Variants in SEPTIN10 observed in about 807,000 individuals in gnomAD.
The protein encoded by SEPTIN10 is septin-10.
In SEPTIN10, 66 loss-of-function variants were observed where a neutral mutation model predicts 54.8. The ratio of observed to expected loss-of-function variants is 1.21; its 90% confidence interval spans 0.99 to 1.48. The LOEUF is 1.48. Ranked by LOEUF, SEPTIN10 falls within the 40% of genes most tolerant of loss-of-function variation. The probability of loss-of-function intolerance (pLI) is 0.00; values close to 1 mark genes in which losing one functional copy is unlikely to be tolerated. For synonymous variants in SEPTIN10, 161 were observed against 181.0 expected, an observed-to-expected ratio of 0.89 and a Z score of 0.89; for missense variants, 620 against 545.6, an observed-to-expected ratio of 1.14 and a Z score of -1.36.
At chr2:109,568,945 T>A (rs1687716321) in intron 5 of SEPTIN10, among the ~76,000 whole-genome samples, 1 of 152,198 alleles carries the variant, frequency 6.6e-6, no homozygotes, top group African/African-American at 2.4e-5. Context: ...GGCAAGAGAT[T>A]TGGGGTTGTG....
rs962744803 is a variant in SEPTIN10, at chr2:109,547,206, C to T, written c.1162-969G>A. On this transcript the variant is annotated intron_variant, in intron 9 of 10. Transcript: ENST00000397712. ...CTATGTGCCTTCCTCCAAGTTGCTGCCTCTAGAGACTCCAAGTCCTTTTCC... is the reference window on the plus strand; with the variant it reads ...CTATGTGCCTTCCTCCAAGTTGCTGTCTCTAGAGACTCCAAGTCCTTTTCC... Among the ~76,000 whole-genome samples the T allele has an allele frequency of 2.6e-5, 4 of 152,100 alleles. No homozygotes were observed. The East Asian group carries it at 7.7e-4, about 29-fold the overall frequency.
At chr2:109,580,349 C>CAA (rs3058505) in intron 4 of SEPTIN10, among the ~76,000 whole-genome samples, 8 of 135,920 alleles carry the variant, frequency 5.9e-5, no homozygotes, top group African/African-American at 1.4e-4. Context: ...CCATAAAATG[C>CAA]AAAAAAAAAA....
At chr2:109,594,170 A>C (rs1246317868) in intron 1 of SEPTIN10, among the ~76,000 whole-genome samples, 1 of 152,170 alleles carries the variant, frequency 6.6e-6, no homozygotes, top group Non-Finnish European at 1.5e-5. Context: ...TACAAGAAAA[A>C]CTGTACTAAT....
intron 8 of SEPTIN10, among the ~76,000 whole-genome samples, chr2:109,555,912 A>C (rs4953760): frequency 0.47 from 71,791 of 151,996 alleles, 17,697 homozygotes; most frequent in African/African-American, 0.62. Context: ...GTGACTGCCA[A>C]ACTCCCCAGT....
intron 2 of SEPTIN10, among the ~76,000 whole-genome samples, chr2:109,591,691 G>A (rs1483031988): frequency 6.6e-6 from 1 of 152,158 alleles, no homozygotes; most frequent in Non-Finnish European, 1.5e-5. Flanking sequence ...GAGGCCAGGA[G>A]TTCAAGACCA....
At chr2:109,587,075 A>G (rs576028975) in intron 2 of SEPTIN10, among the ~76,000 whole-genome samples, 1 of 152,384 alleles carries the variant, frequency 6.6e-6, no homozygotes, top group South Asian at 2.1e-4. Flanking sequence ...CAGATGTTTA[A>G]TTAGCAGGTA....
At chr2:109,612,923 T>C (rs886600889) in intron 1 of SEPTIN10, among the ~76,000 whole-genome samples, 4 of 152,248 alleles carry the variant, frequency 2.6e-5, no homozygotes, top group Non-Finnish European at 5.9e-5. Flanking sequence ...GTTTCTACAA[T>C]TTAAACTTCT....
intron 1 of SEPTIN10, among the ~76,000 whole-genome samples, chr2:109,600,632 C>A (rs1355201399): frequency 6.6e-6 from 1 of 151,676 alleles, no homozygotes; most frequent in Admixed American, 6.6e-5. Flanking sequence ...TCCCACCCAC[C>A]CACCAAGCAA....
At chr2:109,547,055 C>A (rs1182456435) in intron 9 of SEPTIN10, among the ~76,000 whole-genome samples, 1 of 152,080 alleles carries the variant, frequency 6.6e-6, no homozygotes, top group East Asian at 1.9e-4. Context: ...GGTATCCAGC[C>A]CCCTTCCCCA....
chr2:109,580,240 C>G (rs1172521217), intron 4 of SEPTIN10, among the ~76,000 whole-genome samples: 1 of 150,930 alleles, frequency 6.6e-6, no homozygotes, highest in Non-Finnish European at 1.5e-5. Flanking sequence ...ATTATGATCT[C>G]AGAATGGTAT....
intron 5 of SEPTIN10, among the ~76,000 whole-genome samples, chr2:109,568,853 G>GT (rs1687690786): frequency 1.3e-5 from 2 of 152,094 alleles, no homozygotes; most frequent in African/African-American, 2.4e-5. Context: ...GAAGGAAACT[G>GT]TATGTACTAC....
At chr2:109,554,899 T>G (rs1230726810) in intron 8 of SEPTIN10, among the ~76,000 whole-genome samples, 2 of 152,212 alleles carry the variant, frequency 1.3e-5, no homozygotes, top group Non-Finnish European at 2.9e-5. Context: ...TTGGAAATCC[T>G]GAGTCATCTT....
At chr2:109,583,786 C>A (rs920608897) in intron 4 of SEPTIN10, among the ~76,000 whole-genome samples, 1 of 152,200 alleles carries the variant, frequency 6.6e-6, no homozygotes, top group Non-Finnish European at 1.5e-5. Flanking sequence ...TACATACCTA[C>A]CATGGACTAC....
chr2:109,588,714 C>T (rs1693187292), intron 2 of SEPTIN10, among the ~76,000 whole-genome samples: 1 of 151,548 alleles, frequency 6.6e-6, no homozygotes, highest in African/African-American at 2.4e-5. Context: ...TGGTCTCAAA[C>T]TCCTGACCTC....
intron 1 of SEPTIN10, among the ~76,000 whole-genome samples, chr2:109,610,510 TTCAAGACCAG>T (rs1699027301): frequency 6.6e-6 from 1 of 151,698 alleles, no homozygotes; most frequent in Non-Finnish European, 1.5e-5. Context: ...AGGTTGGGAG[TTCAAGACCAG>T]CTTGACCAAC....
In SEPTIN10 at chr2:109,553,345, G is replaced by C; in HGVS notation, c.1029-126C>G. 7 of 838,522 alleles carry C rather than the reference G, an allele frequency of 8.3e-6. No homozygotes were observed. In the South Asian group the frequency reaches 1.3e-4, roughly 15 times the overall value. 51.9% of individuals were successfully genotyped at this position (838,522 alleles called of 1,614,324 possible). ...GGATCACCTAAGGTCAGGAGTCCAAGACCAGCCTGGCCAACATAGTGAAAC... is the reference window on the plus strand; with the variant it reads ...GGATCACCTAAGGTCAGGAGTCCAACACCAGCCTGGCCAACATAGTGAAAC... On this transcript the variant is annotated intron_variant, in intron 8 of 10. Coordinates refer to ENST00000397712, the MANE Select transcript of SEPTIN10 (RefSeq NM_144710.5).
intron 1 of SEPTIN10, among the ~76,000 whole-genome samples, chr2:109,599,183 C>T (rs1696000857): frequency 2.6e-5 from 4 of 152,032 alleles, no homozygotes; most frequent in Admixed American, 6.6e-5. Flanking sequence ...GGAGGCCGGG[C>T]GCGGTGGCTC....
At chr2:109,544,466 T>C in intron 10 of SEPTIN10, 142 bp from the exon 11 acceptor site, 2 of 1,375,672 alleles carry the variant, frequency 1.5e-6, no homozygotes, top group Non-Finnish European at 1.9e-6. Context: ...CACCAAACCA[T>C]ATTTTCTTGA....
chr2:109,598,958 A>C (rs929438543), intron 1 of SEPTIN10, among the ~76,000 whole-genome samples: 1 of 152,284 alleles, frequency 6.6e-6, no homozygotes. Context: ...ATTTGGCTTG[A>C]AACAATACTT....
Sources: allele counts gnomAD v4.1 joint callset (sites outside exome capture counted in the v4.1 genomes callset), GRCh38; gene constraint gnomAD v4.1.1; transcripts MANE v1.5; gene names NCBI Gene and HGNC (gene_info 2026-07-23, HGNC 2026-07-21).